Variants in NFIA observed in about 807,000 individuals in gnomAD.
NFIA encodes nuclear factor I A.
In NFIA, 8 loss-of-function variants were observed where a neutral mutation model predicts 62.8. The ratio of observed to expected loss-of-function variants is 0.13; its 90% CI spans 0.07 to 0.23. The LOEUF is 0.23. Among genes scored for constraint, NFIA ranks in the 10% least tolerant of loss-of-function variants. NFIA has a pLI of 1.00. For missense variants in NFIA, 410 were observed against 642.1 expected (o/e 0.64, Z 3.91); for synonymous variants, 235 against 238.1 (o/e 0.99, Z 0.12).
intron 3 of NFIA, among the ~76,000 whole-genome samples, chr1:61,279,118 C>T (rs778879106): frequency 6.6e-6 from 1 of 151,924 alleles, no homozygotes; most frequent in Non-Finnish European, 1.5e-5. Context: ...GAGTCTCTTC[C>T]TTTTGTTGTT....
At chr1:61,110,367 A>AT (rs1160687206) in intron 2 of NFIA, among the ~76,000 whole-genome samples, 3 of 151,872 alleles carry the variant, frequency 2.0e-5, no homozygotes, top group Non-Finnish European at 4.4e-5. Context: ...GAAGTGATTA[A>AT]TTTTTTAGGT....
intron 6 of NFIA, among the ~76,000 whole-genome samples, chr1:61,381,692 AC>A (rs1207868782): frequency 6.6e-6 from 1 of 152,178 alleles, no homozygotes; most frequent in African/African-American, 2.4e-5. Context: ...TAAAGCTGAG[AC>A]CTGCACAAGT....
At chr1:61,109,158 G>A (rs1248940243) in intron 2 of NFIA, among the ~76,000 whole-genome samples, 2 of 151,818 alleles carry the variant, frequency 1.3e-5, no homozygotes, top group Non-Finnish European at 2.9e-5. Context: ...GTTAAGACTT[G>A]AATAGATTAC....
intron 3 of NFIA, among the ~76,000 whole-genome samples, chr1:61,282,651 C>T (rs1328704837): frequency 2.0e-5 from 3 of 152,126 alleles, no homozygotes; most frequent in Admixed American, 6.5e-5. Context: ...AGCGTTGGCA[C>T]TCTGAAAACA....
At chr1:61,395,788 C>T (rs1238349685) in intron 7 of NFIA, among the ~76,000 whole-genome samples, 2 of 152,174 alleles carry the variant, frequency 1.3e-5, no homozygotes, top group Admixed American at 6.5e-5. Context: ...CTGTATTTCA[C>T]AGAGCTTAAA....
rs1665555890 is a variant in NFIA at position 61,401,515 on chromosome 1, C to CTT, written c.1076-2587_1076-2586dup. Among the ~76,000 whole-genome samples the CTT allele has an allele frequency of 2.0e-5, 3 of 152,070 alleles. No individual in the cohort carries two copies. The South Asian group carries it at 6.2e-4, about 31-fold the overall frequency. ...TTGAGTTATTTCTTCTATCTCATTTCTTTAAAGATCAGCTCTGCTTGATCT... is the reference window on the plus strand; with the variant it reads ...TTGAGTTATTTCTTCTATCTCATTTCTTTTTAAAGATCAGCTCTGCTTGATCT... On this transcript the variant is annotated intron_variant, in intron 7 of 10. Transcript: ENST00000403491.
At chr1:61,451,401 A>G (rs544713252) in intron 10 of NFIA, among the ~76,000 whole-genome samples, 6 of 152,342 alleles carry the variant, frequency 3.9e-5, no homozygotes, top group African/African-American at 9.6e-5. Context: ...ATCTGCAGGC[A>G]CTTTATTAAA....
chr1:61,283,196 A>G (rs1007348017), intron 3 of NFIA, among the ~76,000 whole-genome samples: 2 of 152,198 alleles, frequency 1.3e-5, no homozygotes, highest in Non-Finnish European at 2.9e-5. Flanking sequence ...AATTGTTGCT[A>G]TTTCATGCAT....
chr1:61,391,044 ATTTGTTTGTTTGTTTG>A (rs112725651), intron 7 of NFIA, among the ~76,000 whole-genome samples: 2 of 150,878 alleles, frequency 1.3e-5, no homozygotes, highest in African/African-American at 4.9e-5. Flanking sequence ...TTGTTTGTTT[ATTTGTTTGTTTGTTTG>A]TTTGTTTGTT....
At chr1:61,389,839 G>C (rs1296581012) in intron 7 of NFIA, among the ~76,000 whole-genome samples, 1 of 151,588 alleles carries the variant, frequency 6.6e-6, no homozygotes, top group African/African-American at 2.4e-5. Context: ...TTTCTCTTAG[G>C]TGCACGCCAC....
chr1:61,281,898 A>G (rs1294379051), intron 3 of NFIA, among the ~76,000 whole-genome samples: 1 of 152,250 alleles, frequency 6.6e-6, no homozygotes, highest in Non-Finnish European at 1.5e-5. Flanking sequence ...AATGAATAAA[A>G]TTAATAAGTA....
intron 2 of NFIA, among the ~76,000 whole-genome samples, chr1:61,240,136 C>G (rs1007220945): frequency 6.6e-6 from 1 of 152,044 alleles, no homozygotes; most frequent in African/African-American, 2.4e-5. Context: ...TTGTTTCACT[C>G]TGTATAGTAT....
At chr1:61,096,310 T>A (rs1368784089) in intron 2 of NFIA, among the ~76,000 whole-genome samples, 1 of 151,856 alleles carries the variant, frequency 6.6e-6, no homozygotes, top group East Asian at 1.9e-4. Flanking sequence ...GCCTCCCTGG[T>A]TCAAGCGATT....
upstream of NFIA, among the ~76,000 whole-genome samples, chr1:61,078,915 A>T (rs924672672): frequency 2.6e-5 from 4 of 152,252 alleles, no homozygotes; most frequent in African/African-American, 9.6e-5. Context: ...TGGAGACAGT[A>T]ACTGGCAGCC....
Position 61,358,904 on chromosome 1 carries a change from T to C in NFIA, c.819-243T>C, listed in dbSNP as rs116535164. ...CCTCAAAGGAAACAGGAACAGGATGTGGCAGCAGCAGCAACTTGATTGACA... is the reference window on the plus strand; with the variant it reads ...CCTCAAAGGAAACAGGAACAGGATGCGGCAGCAGCAGCAACTTGATTGACA... On this transcript the variant is annotated intron_variant, in intron 5 of 10. Coordinates refer to ENST00000403491, the MANE Select transcript of NFIA (RefSeq NM_001134673.4). Among the ~76,000 whole-genome samples, 2,089 of 152,290 alleles carry C rather than the reference T, an allele frequency of 0.014. 54 individuals are homozygous for C. Among genetic ancestry groups the C allele is most frequent in the African/African-American group, 0.048 (2,004 of 41,558 alleles).
At chr1:61,169,629 A>G (rs1051799258) in intron 2 of NFIA, among the ~76,000 whole-genome samples, 2 of 152,188 alleles carry the variant, frequency 1.3e-5, no homozygotes, top group African/African-American at 2.4e-5. Flanking sequence ...TGGTCAACCG[A>G]TATTTACTAA....
At chr1:61,260,455 T>G (rs1466995048) in intron 2 of NFIA, among the ~76,000 whole-genome samples, 1 of 152,224 alleles carries the variant, frequency 6.6e-6, no homozygotes, top group African/African-American at 2.4e-5. Context: ...TGGTGAGCCT[T>G]TTTTGTTCAC....
intron 2 of NFIA, among the ~76,000 whole-genome samples, chr1:61,239,227 A>G (rs1258310313): frequency 6.6e-6 from 1 of 152,150 alleles, no homozygotes; most frequent in Non-Finnish European, 1.5e-5. Flanking sequence ...TGGCAATATC[A>G]CGAAGAATAA....
At chr1:61,148,081 A>G (rs1404455172) in intron 2 of NFIA, among the ~76,000 whole-genome samples, 1 of 152,180 alleles carries the variant, frequency 6.6e-6, no homozygotes, top group Non-Finnish European at 1.5e-5. Context: ...TTTAAGGTAC[A>G]GTGCATTGTT....
Sources: gnomAD v4.1 joint callset for allele counts (sites outside exome capture counted in the v4.1 genomes callset) on GRCh38, gnomAD v4.1.1 for gene constraint, MANE v1.5 for transcripts, NCBI Gene and HGNC (gene_info 2026-07-23, HGNC 2026-07-21) for gene names.